GABRB3: variants seen among roughly 807,000 people sequenced by gnomAD.
GABRB3 encodes the protein gamma-aminobutyric acid type A receptor subunit beta3.
A neutral mutation model predicts 52.1 loss-of-function variants in GABRB3; 14 were observed. That is an observed-to-expected ratio of 0.27 (90% confidence interval 0.18 to 0.42). The LOEUF (loss-of-function observed/expected upper bound fraction) is 0.42, where lower values mean the gene tolerates loss of function less well. Among genes scored for constraint, GABRB3 ranks in the 10% least tolerant of loss-of-function variants. GABRB3 has a pLI of 1.00. For synonymous variants in GABRB3, 260 were observed against 232.3 expected (o/e 1.12, Z -1.08); for missense variants, 307 against 609.1 (o/e 0.50, Z 5.22).
chr15:26,589,228 G>A (rs1028895993), intron 4 of GABRB3, among the ~76,000 whole-genome samples: 3 of 152,192 alleles, frequency 2.0e-5, no homozygotes, highest in Admixed American at 1.3e-4. Context: ...TTCATGAATT[G>A]CATAAATACA....
At chr15:26,700,063 T>C (rs1038840060) in intron 3 of GABRB3, among the ~76,000 whole-genome samples, 22 of 151,224 alleles carry the variant, frequency 1.5e-4, no homozygotes, top group African/African-American at 5.1e-4. Context: ...CAAAAAGTTC[T>C]TCAAAAAAAT....
At chr15:26,648,891 T>G (rs111416439) in intron 3 of GABRB3, among the ~76,000 whole-genome samples, 12 of 151,856 alleles carry the variant, frequency 7.9e-5, no homozygotes, top group African/African-American at 2.7e-4. Flanking sequence ...GGATGACTGG[T>G]GGGGTTCCAG....
intron 4 of GABRB3, among the ~76,000 whole-genome samples, chr15:26,603,613 T>C (rs1303374674): frequency 6.6e-6 from 1 of 151,988 alleles, no homozygotes; most frequent in Non-Finnish European, 1.5e-5. Context: ...GCAAGGATGG[T>C]TCAACATATG....
chr15:26,702,618 A>G (rs1421519602), intron 3 of GABRB3, among the ~76,000 whole-genome samples: 3 of 152,214 alleles, frequency 2.0e-5, no homozygotes, highest in East Asian at 3.9e-4. Flanking sequence ...AGAACATAAA[A>G]TGATACTATC....
intron 3 of GABRB3, among the ~76,000 whole-genome samples, chr15:26,662,254 C>T (rs1303475102): frequency 6.6e-6 from 1 of 152,126 alleles, no homozygotes; most frequent in Non-Finnish European, 1.5e-5. Context: ...AGCATGAATG[C>T]TACAATTCTC....
At chr15:26,679,285 A>T (rs1393342790) in intron 3 of GABRB3, among the ~76,000 whole-genome samples, 2 of 152,176 alleles carry the variant, frequency 1.3e-5, no homozygotes, top group Non-Finnish European at 2.9e-5. Flanking sequence ...CTGTCCACTG[A>T]AATCTGTTTC....
intron 3 of GABRB3, among the ~76,000 whole-genome samples, chr15:26,733,463 T>A (rs1209969932): frequency 1.3e-5 from 2 of 152,054 alleles, no homozygotes; most frequent in East Asian, 3.8e-4. Flanking sequence ...GTGAAAGACA[T>A]GTACAATAAA....
chr15:26,575,857 A>G (rs1400031931), intron 6 of GABRB3, among the ~76,000 whole-genome samples: 1 of 152,362 alleles, frequency 6.6e-6, no homozygotes, highest in East Asian at 1.9e-4. Context: ...ATCACTGTCC[A>G]AATGTACCAA....
intron 3 of GABRB3, among the ~76,000 whole-genome samples, chr15:26,730,508 G>A (rs1449059722): frequency 2.0e-5 from 3 of 152,066 alleles, no homozygotes; most frequent in African/African-American, 4.8e-5. Context: ...GGATGAATGC[G>A]GTCACGTCCC....
intron 3 of GABRB3, among the ~76,000 whole-genome samples, chr15:26,731,136 T>C (rs929752327): frequency 2.0e-5 from 3 of 152,188 alleles, no homozygotes; most frequent in Non-Finnish European, 2.9e-5. Flanking sequence ...AAGATTATAA[T>C]TGACATTGAT....
At position 26,772,661 on chromosome 15, in the gene GABRB3, G is replaced by C. The variant is rs568919721; in HGVS notation, c.172+20C>G. Reference sequence around the variant, plus strand: ...GCCGTGGGTCGCGCTTCCCGCAACGGCCGCGCGCAGCCCACTTACCCCCGA... The same window carrying C: ...GCCGTGGGTCGCGCTTCCCGCAACGCCCGCGCGCAGCCCACTTACCCCCGA... On this transcript the variant is annotated intron_variant, in intron 2 of 8. Coordinates refer to ENST00000311550, the MANE Select transcript of GABRB3 (RefSeq NM_000814.6). 1.9e-6 allele frequency: 3 copies of C among 1,553,102 alleles called. No individual in the cohort carries two copies. The South Asian group carries it at 3.5e-5, about 18-fold the overall frequency.
intron 3 of GABRB3, among the ~76,000 whole-genome samples, chr15:26,681,600 T>C (rs1227581463): frequency 1.3e-5 from 2 of 152,174 alleles, no homozygotes; most frequent in South Asian, 4.1e-4. Context: ...TGTAAATTTA[T>C]CTTGGTTCTA....
At chr15:26,745,411 C>T (rs1487669267) in intron 3 of GABRB3, among the ~76,000 whole-genome samples, 1 of 152,132 alleles carries the variant, frequency 6.6e-6, no homozygotes, top group East Asian at 1.9e-4. Context: ...AGTACAATAT[C>T]AAAACCAGGA....
intron 4 of GABRB3, among the ~76,000 whole-genome samples, chr15:26,593,981 A>AAC (rs371884854): frequency 7.5e-6 from 1 of 133,972 alleles, no homozygotes; most frequent in Non-Finnish European, 1.6e-5. Flanking sequence ...CTCATTTTAA[A>AAC]ATATATATAT....
At chr15:26,581,087 G>C (rs990174617) in intron 5 of GABRB3, 1 of 181,410 alleles carries the variant, frequency 5.5e-6, no homozygotes, top group African/African-American at 2.4e-5. Context: ...GTCGTTAGCT[G>C]GATTATAGCT....
At chr15:26,754,286 C>A (rs1241584535) in intron 3 of GABRB3, among the ~76,000 whole-genome samples, 1 of 152,082 alleles carries the variant, frequency 6.6e-6, no homozygotes, top group Non-Finnish European at 1.5e-5. Flanking sequence ...CAGAAGAGCA[C>A]CTTTGCTCAA....
At chr15:26,600,191 T>C (rs1891537791) in intron 4 of GABRB3, among the ~76,000 whole-genome samples, 1 of 151,900 alleles carries the variant, frequency 6.6e-6, no homozygotes, top group African/African-American at 2.4e-5. Flanking sequence ...TCCAGTCAGA[T>C]AAACAAGAAC....
chr15:26,766,182 G>C (rs114497654), intron 3 of GABRB3, among the ~76,000 whole-genome samples: 151 of 152,240 alleles, frequency 9.9e-4, no homozygotes, highest in African/African-American at 3.5e-3. Context: ...TGTCTGATAG[G>C]CTTCATTTAT....
intron 3 of GABRB3, among the ~76,000 whole-genome samples, chr15:26,645,943 C>G (rs927906292): frequency 6.6e-6 from 1 of 151,522 alleles, no homozygotes; most frequent in Non-Finnish European, 1.5e-5. Flanking sequence ...AAAACAATGT[C>G]TCCAATTTTA....
Sources: gnomAD v4.1 joint callset for allele counts (sites outside exome capture counted in the v4.1 genomes callset) on GRCh38, gnomAD v4.1.1 for gene constraint, MANE v1.5 for transcripts, NCBI Gene and HGNC (gene_info 2026-07-23, HGNC 2026-07-21) for gene names.